The following RALGPS1 variants were observed in gnomAD, a reference collection of about 807,000 sequenced individuals.
The protein encoded by RALGPS1 is ras-specific guanine nucleotide-releasing factor RalGPS1.
A neutral mutation model predicts 78.8 loss-of-function variants in RALGPS1; 19 were observed. The ratio of observed to expected loss-of-function variants is 0.24; its 90% CI spans 0.17 to 0.35. The LOEUF is 0.35. Among genes scored for constraint, RALGPS1 ranks in the 10% least tolerant of loss-of-function variants. The pLI, the probability that RALGPS1 is intolerant of heterozygous loss-of-function variation, is 1.00. For synonymous variants in RALGPS1, 228 were observed against 256.3 expected (o/e 0.89, Z 1.06); for missense variants, 454 against 688.3 (o/e 0.66, Z 3.81).
At chr9:127,083,196 C>T (rs191304522) in intron 8 of RALGPS1, among the ~76,000 whole-genome samples, 15 of 152,336 alleles carry the variant, frequency 9.8e-5, no homozygotes, top group South Asian at 2.1e-4. Flanking sequence ...AACCTACTTC[C>T]GCTGCTTCTC....
At chr9:126,960,218 TC>T in intron 1 of RALGPS1, among the ~76,000 whole-genome samples, 2 of 53,730 alleles carry the variant, frequency 3.7e-5, no homozygotes, top group Non-Finnish European at 8.0e-5. Context: ...CCTCCCTCCC[TC>T]CCTTCCTTCC....
rs538698568 is a variant in RALGPS1 at position 127,168,629 on chromosome 9, C to T, written c.749-50C>T. 249 of 1,246,034 alleles carry T rather than the reference C, an allele frequency of 2.0e-4. 7 individuals are homozygous for T. In the South Asian group the frequency reaches 2.9e-3, roughly 14 times the overall value. The allele number at this position is 1,246,034 out of a possible 1,614,324, so 77.2% of individuals were successfully genotyped here. ...GATTTCTATACTTCTCATCTGGGGG[C>T]CTAAAGATGGGAGAGCCTAAAGTTT... On this transcript the variant is annotated intron_variant, in intron 9 of 18. Transcript: ENST00000259351.
chr9:127,018,463 G>A (rs940853251), intron 4 of RALGPS1, among the ~76,000 whole-genome samples: 3 of 151,904 alleles, frequency 2.0e-5, no homozygotes, highest in Non-Finnish European at 4.4e-5. Context: ...GTGAAACTCC[G>A]TCTCTACTAA....
chr9:127,180,064 G>GA (rs756486295), intron 11 of RALGPS1, among the ~76,000 whole-genome samples: 1 of 152,156 alleles, frequency 6.6e-6, no homozygotes, highest in Non-Finnish European at 1.5e-5. Flanking sequence ...TGTCTGTGGA[G>GA]AAAAAAGGCC....
rs1415626511 is a variant in RALGPS1, at chr9:127,212,843, G to A, written c.1447-101G>A. On this transcript the variant is annotated intron_variant, in intron 16 of 18. Coordinates refer to ENST00000259351, the MANE Select transcript of RALGPS1 (RefSeq NM_014636.3). The surrounding 1 kb of genome is among the most constrained non-coding windows in gnomAD (Gnocchi z 6.0). ...AACTGCGGAGGATGCAGGTGGGAAG[G>A]CGGCAGGGGAGGGAGGAAGCCTTGC... The A allele has an allele frequency of 1.9e-6, 3 of 1,573,136 alleles. No individual in the cohort carries two copies. The highest frequency in any genetic ancestry group is 1.4e-5 in the African/African-American group (1 of 73,854).
chr9:127,098,536 A>G (rs1026504666), intron 8 of RALGPS1, among the ~76,000 whole-genome samples: 4 of 152,186 alleles, frequency 2.6e-5, no homozygotes, highest in Non-Finnish European at 5.9e-5. Context: ...GTAGGCACAC[A>G]GGGTCTGGGG....
At chr9:127,135,885 G>A (rs899967547) in intron 8 of RALGPS1, among the ~76,000 whole-genome samples, 1 of 152,210 alleles carries the variant, frequency 6.6e-6, no homozygotes, top group Non-Finnish European at 1.5e-5. Flanking sequence ...CAAATAAAGA[G>A]AACCAAGTGT....
chr9:127,157,769 AATCAT>A (rs1319899579), intron 8 of RALGPS1, among the ~76,000 whole-genome samples: 7 of 152,120 alleles, frequency 4.6e-5, no homozygotes, highest in Admixed American at 3.3e-4. Flanking sequence ...TGTGATAACT[AATCAT>A]ATCACCTGCA....
At chr9:127,059,935 A>G (rs1012481114) in intron 7 of RALGPS1, among the ~76,000 whole-genome samples, 5 of 152,144 alleles carry the variant, frequency 3.3e-5, no homozygotes, top group African/African-American at 1.2e-4. Context: ...CAAGTTCTGG[A>G]TAAAATACAA....
intron 18 of RALGPS1, among the ~76,000 whole-genome samples, chr9:127,216,345 G>T (rs1466397607): frequency 6.6e-6 from 1 of 152,226 alleles, no homozygotes; most frequent in Non-Finnish European, 1.5e-5. Flanking sequence ...CAAATAGATT[G>T]CACTTGATTC....
chr9:127,003,917 C>T (rs953672665), intron 4 of RALGPS1, among the ~76,000 whole-genome samples: 3 of 152,140 alleles, frequency 2.0e-5, no homozygotes, highest in African/African-American at 7.2e-5. Context: ...TGTCAGAAGA[C>T]GAAACAGTAC....
At chr9:127,093,417 C>T (rs2052720496) in intron 8 of RALGPS1, among the ~76,000 whole-genome samples, 1 of 152,170 alleles carries the variant, frequency 6.6e-6, no homozygotes, top group African/African-American at 2.4e-5. Context: ...CTCCTCACCC[C>T]TGGGCCCCCA....
intron 8 of RALGPS1, chr9:127,069,635 A>G (rs1157752792): frequency 6.2e-6 from 2 of 321,988 alleles, no homozygotes; most frequent in Admixed American, 4.5e-5. Context: ...AATGAGAGTG[A>G]TAAGACTCGT....
chr9:126,928,043 C>T (rs1393476338), intron 1 of RALGPS1, among the ~76,000 whole-genome samples: 2 of 152,060 alleles, frequency 1.3e-5, no homozygotes, highest in East Asian at 1.9e-4. Context: ...CTGCTGGTGG[C>T]GGTATCCTAA....
At chr9:127,007,392 G>C (rs928417766) in intron 4 of RALGPS1, among the ~76,000 whole-genome samples, 1 of 152,132 alleles carries the variant, frequency 6.6e-6, no homozygotes, top group African/African-American at 2.4e-5. Flanking sequence ...AGATTGTCAG[G>C]TCCCATTCCT....
intron 7 of RALGPS1, among the ~76,000 whole-genome samples, chr9:127,055,035 G>GAGAGAA (rs2048618353): frequency 7.9e-6 from 1 of 126,510 alleles, no homozygotes; most frequent in Non-Finnish European, 1.7e-5. Context: ...GAGAGAGAGA[G>GAGAGAA]AGAGAAGAAA....
At chr9:127,103,746 G>A (rs1173601580) in intron 8 of RALGPS1, among the ~76,000 whole-genome samples, 1 of 152,136 alleles carries the variant, frequency 6.6e-6, no homozygotes, top group Non-Finnish European at 1.5e-5. Context: ...CTCATTTTAA[G>A]GAACTGTTTG....
chr9:127,058,801 C>T lies in RALGPS1; in HGVS notation c.483+5862C>T, dbSNP rs547065918. ...TACATAAACACACACATACCCCACA[C>T]GTGTGCACACATACGTACATTCTCT... On this transcript the variant is annotated intron_variant, in intron 7 of 18. Coordinates refer to ENST00000259351, the MANE Select transcript of RALGPS1 (RefSeq NM_014636.3). 1.4e-4 allele frequency among the ~76,000 whole-genome samples: 21 copies of T among 152,302 alleles called. No homozygotes were observed. The East Asian group carries it at 2.7e-3, about 20-fold the overall frequency.
At chr9:127,154,970 G>A (rs12115785) in intron 8 of RALGPS1, among the ~76,000 whole-genome samples, 3,908 of 152,248 alleles carry the variant, frequency 0.026, 168 homozygotes, top group African/African-American at 0.089. Flanking sequence ...ATAGAGGCAG[G>A]TTTCTAAGGC....
Sources: gnomAD v4.1 joint callset for allele counts (sites outside exome capture counted in the v4.1 genomes callset) on GRCh38, gnomAD v4.1.1 for gene constraint, Gnocchi (gnomAD v3.1) non-coding constraint, MANE v1.5 for transcripts, NCBI Gene and HGNC (gene_info 2026-07-23, HGNC 2026-07-21) for gene names.